Variants in EPM2A observed in about 807,000 individuals in gnomAD.
EPM2A encodes EPM2A glucan phosphatase, laforin.
In EPM2A, 21 loss-of-function variants were observed where a neutral mutation model predicts 26.5. The ratio of observed to expected loss-of-function variants is 0.79; its 90% CI spans 0.56 to 1.14. The LOEUF (loss-of-function observed/expected upper bound fraction) is 1.14, where lower values mean the gene tolerates loss of function less well. Among genes scored for constraint, EPM2A ranks in the 50% most tolerant of loss-of-function variants. The pLI is 0.00. For missense variants in EPM2A, 458 were observed against 440.8 expected, an observed-to-expected ratio of 1.04 and a Z score of -0.35; for synonymous variants, 217 against 177.6, an observed-to-expected ratio of 1.22 and a Z score of -1.76.
chr6:145,584,985 TA>T (rs1781169259), intron 2 of EPM2A, among the ~76,000 whole-genome samples: 1 of 152,254 alleles, frequency 6.6e-6, no homozygotes, highest in Admixed American at 6.5e-5. Flanking sequence ...CTTTACAGGA[TA>T]AATATTTTCT....
At chr6:145,651,534 G>A (rs1388694809) in intron 2 of EPM2A, among the ~76,000 whole-genome samples, 3 of 152,182 alleles carry the variant, frequency 2.0e-5, no homozygotes, top group South Asian at 2.1e-4. Context: ...ACTTAGCAAC[G>A]CACAGTGTTT....
chr6:145,595,670 G>C (rs1781333316), intron 2 of EPM2A, among the ~76,000 whole-genome samples: 1 of 152,028 alleles, frequency 6.6e-6, no homozygotes, highest in Non-Finnish European at 1.5e-5. Context: ...TCTCAAAAGA[G>C]AGCAAAGCTA....
Position 145,686,440 on chromosome 6 carries a change from A to C in EPM2A, c.302-144T>G, listed in dbSNP as rs966234835. ...ACACATTTCAGTATAAACAAAAAAGACTAGAGTGAAAAACAGAACGGTAGG... is the reference window on the plus strand; with the variant it reads ...ACACATTTCAGTATAAACAAAAAAGCCTAGAGTGAAAAACAGAACGGTAGG... On this transcript the variant is annotated intron_variant, in intron 1 of 3. Transcript: ENST00000367519. 8.5e-6 allele frequency: 6 copies of C among 702,434 alleles called. No homozygotes were observed. The African/African-American group carries it at 1.1e-4, about 13-fold the overall frequency. The allele number at this position is 702,434 out of a possible 1,614,324, so 43.5% of individuals were successfully genotyped here.
chr6:145,735,673 A>C, upstream of EPM2A: 1 of 1,073,958 alleles, frequency 9.3e-7, no homozygotes, highest in Non-Finnish European at 1.1e-6. Context: ...CCGAGCCCAG[A>C]CTTCGTCCAG....
intron 2 of EPM2A, among the ~76,000 whole-genome samples, chr6:145,646,121 C>A (rs548332143): frequency 6.6e-6 from 1 of 152,212 alleles, no homozygotes; most frequent in African/African-American, 2.4e-5. Flanking sequence ...TCCCACCTGG[C>A]ACAACTGTTG....
At chr6:145,724,009 T>C (rs1353388749) in intron 1 of EPM2A, among the ~76,000 whole-genome samples, 2 of 152,134 alleles carry the variant, frequency 1.3e-5, no homozygotes, top group African/African-American at 4.8e-5. Flanking sequence ...GGAAACATTT[T>C]AGTCTCCACC....
At chr6:145,712,057 T>C (rs928892112) in intron 1 of EPM2A, among the ~76,000 whole-genome samples, 5 of 152,138 alleles carry the variant, frequency 3.3e-5, no homozygotes, top group Admixed American at 6.6e-5. Flanking sequence ...ATCAAATTTA[T>C]GGTGAAGTTC....
At chr6:145,683,083 A>T (rs1167264463) in intron 2 of EPM2A, among the ~76,000 whole-genome samples, 2 of 152,118 alleles carry the variant, frequency 1.3e-5, no homozygotes, top group Non-Finnish European at 2.9e-5. Flanking sequence ...TTTCTTTTAA[A>T]CTGAATTCAG....
chr6:145,590,059 A>G (rs535104336), intron 2 of EPM2A, among the ~76,000 whole-genome samples: 13 of 152,268 alleles, frequency 8.5e-5, no homozygotes, highest in African/African-American at 2.6e-4. Flanking sequence ...GCCAAGCTCT[A>G]TTTACCCACA....
chr6:145,685,589 G>GTT (rs1780846482), intron 2 of EPM2A, among the ~76,000 whole-genome samples: 1 of 152,104 alleles, frequency 6.6e-6, no homozygotes, highest in Non-Finnish European at 1.5e-5. Context: ...AGTGGGAAAG[G>GTT]AGAAAAGGAT....
At chr6:145,415,218 A>G (rs1188982555) in intron 4 of EPM2A, among the ~76,000 whole-genome samples, 1 of 152,236 alleles carries the variant, frequency 6.6e-6, no homozygotes, top group African/African-American at 2.4e-5. Context: ...ATCAAAAGAA[A>G]TGGAGAACAT....
chr6:145,480,900 G>T, intron 4 of EPM2A, among the ~76,000 whole-genome samples: 1 of 152,034 alleles, frequency 6.6e-6, no homozygotes, highest in Non-Finnish European at 1.5e-5. Context: ...TTTATTTGGT[G>T]ATCTTTAATA....
chr6:145,535,862 T>C (rs888269274), intron 2 of EPM2A, among the ~76,000 whole-genome samples: 2 of 152,376 alleles, frequency 1.3e-5, no homozygotes, highest in East Asian at 1.9e-4. Context: ...CTTTTCCAAA[T>C]TGACTTTCAC....
At chr6:145,570,378 A>C (rs922961944) in intron 2 of EPM2A, among the ~76,000 whole-genome samples, 23 of 152,208 alleles carry the variant, frequency 1.5e-4, no homozygotes, top group African/African-American at 4.8e-4. Context: ...ACACAACTGA[A>C]ACTCACCAAT....
intron 1 of EPM2A, among the ~76,000 whole-genome samples, chr6:145,723,758 G>A (rs1024386092): frequency 2.0e-5 from 3 of 152,110 alleles, no homozygotes; most frequent in African/African-American, 7.2e-5. Context: ...ACATAGGGAT[G>A]TGGGACTTTA....
intron 2 of EPM2A, chr6:145,682,795 A>C (rs1780639733): frequency 6.6e-6 from 1 of 152,182 alleles, no homozygotes; most frequent in Admixed American, 6.5e-5. Flanking sequence ...TTCCATTCTG[A>C]TATGATTTAT....
intron 2 of EPM2A, among the ~76,000 whole-genome samples, chr6:145,600,755 A>C (rs1355001686): frequency 1.3e-5 from 2 of 152,230 alleles, no homozygotes; most frequent in African/African-American, 2.4e-5. Context: ...AGCAACCTGA[A>C]GCACAGGACT....
intron 2 of EPM2A, among the ~76,000 whole-genome samples, chr6:145,508,845 C>A (rs1194470942): frequency 6.6e-6 from 1 of 152,072 alleles, no homozygotes; most frequent in Non-Finnish European, 1.5e-5. Context: ...CACAAACAAG[C>A]CAGCAAAATG....
At chr6:145,441,046 G>T (rs775770839) in intron 4 of EPM2A, among the ~76,000 whole-genome samples, 41 of 152,240 alleles carry the variant, frequency 2.7e-4, no homozygotes, top group Non-Finnish European at 5.6e-4. Context: ...CCCTAGCAGA[G>T]GTTCTCCATG....
Sources: gnomAD v4.1 joint callset for allele counts (sites outside exome capture counted in the v4.1 genomes callset) on GRCh38, gnomAD v4.1.1 for gene constraint, MANE v1.5 for transcripts, NCBI Gene and HGNC (gene_info 2026-07-23, HGNC 2026-07-21) for gene names.